The following ENKUR variants were observed in gnomAD, a reference collection of about 807,000 sequenced individuals.
The protein encoded by ENKUR is enkurin.
ENKUR carries 19 observed loss-of-function variants against 27.6 expected under a neutral mutation model. The ratio of observed to expected loss-of-function variants is 0.69; its 90% confidence interval spans 0.48 to 1.01. ENKUR has a LOEUF of 1.01. Among genes scored for constraint, ENKUR ranks in the 50% least tolerant of loss-of-function variants. The probability of loss-of-function intolerance (pLI) is 0.00; values close to 1 mark genes in which losing one functional copy is unlikely to be tolerated. For missense variants in ENKUR, 312 were observed against 310.5 expected (o/e 1.00, Z -0.04); for synonymous variants, 117 against 96.9 (o/e 1.21, Z -1.22).
At chr10:25,061,165 T>G (rs989494452) in exon 2 of ENKUR, 1 of 1,536,004 alleles carries the variant, frequency 6.5e-7, no homozygotes, top group Non-Finnish European at 8.7e-7. Context: ...TGGTGAACAA[T>G]CTCCATAAGA....
intron 2 of ENKUR, chr10:25,023,391 A>C (rs1384087224): frequency 1.1e-5 from 17 of 1,614,184 alleles, no homozygotes; most frequent in Non-Finnish European, 1.4e-5. Flanking sequence ...TTGGAGACAA[A>C]AATATTATCC....
intron 2 of ENKUR, among the ~76,000 whole-genome samples, chr10:25,042,018 T>G (rs1851069894): frequency 6.6e-6 from 1 of 152,086 alleles, no homozygotes; most frequent in Non-Finnish European, 1.5e-5. Flanking sequence ...ATGTCTGTAG[T>G]TTAGATAGGA....
At chr10:24,989,558 C>T (rs1230358345) in intron 4 of ENKUR, among the ~76,000 whole-genome samples, 1 of 152,168 alleles carries the variant, frequency 6.6e-6, no homozygotes, top group Non-Finnish European at 1.5e-5. Context: ...GTACCTCTCA[C>T]TAATTAAATT....
intron 1 of ENKUR, among the ~76,000 whole-genome samples, chr10:25,061,916 C>T (rs1851333069): frequency 6.6e-6 from 1 of 152,190 alleles, no homozygotes; most frequent in Non-Finnish European, 1.5e-5. Flanking sequence ...GTTACTGGCA[C>T]ATGGAAGGCA....
chr10:24,995,878 T>G lies in ENKUR; in HGVS notation c.224-9A>C. 6.3e-7 allele frequency: 1 copy of G among 1,593,210 alleles called. No homozygotes were observed. The highest frequency in any genetic ancestry group is 8.5e-7 in the Non-Finnish European group (1 of 1,172,344). ...CCGATCAAAGTTTTTTTCTGTTAAATATAACATTTCTTTGTTAATATTAAA... is the reference window on the plus strand; with the variant it reads ...CCGATCAAAGTTTTTTTCTGTTAAAGATAACATTTCTTTGTTAATATTAAA... On this transcript the variant is annotated splice_polypyrimidine_tract_variant and intron_variant, in intron 2 of 5. Transcript: ENST00000331161.
intron 1 of ENKUR, among the ~76,000 whole-genome samples, chr10:25,007,096 A>G (rs1850327953): frequency 6.6e-6 from 1 of 152,234 alleles, no homozygotes; most frequent in South Asian, 2.1e-4. Context: ...CCTGGCAGAC[A>G]CAGTCTTATT....
chr10:24,988,410 ATATT>A (rs1436289525), intron 4 of ENKUR, among the ~76,000 whole-genome samples: 1 of 145,746 alleles, frequency 6.9e-6, no homozygotes, highest in African/African-American at 2.5e-5. Context: ...ATGTGTATAT[ATATT>A]TATATATAAG....
At chr10:25,008,022 A>G (rs1850355631) in intron 1 of ENKUR, among the ~76,000 whole-genome samples, 1 of 148,972 alleles carries the variant, frequency 6.7e-6, no homozygotes, top group South Asian at 2.1e-4. Flanking sequence ...TAAATATATG[A>G]GATATATAAG....
At chr10:25,000,604 CTCTG>C (rs1328609779) in intron 1 of ENKUR, among the ~76,000 whole-genome samples, 1 of 152,090 alleles carries the variant, frequency 6.6e-6, no homozygotes, top group Non-Finnish European at 1.5e-5. Flanking sequence ...CTAGAATCTA[CTCTG>C]TCTGACATTA....
intron 1 of ENKUR, among the ~76,000 whole-genome samples, chr10:25,011,460 C>T (rs1850442234): frequency 6.6e-6 from 1 of 152,004 alleles, no homozygotes; most frequent in African/African-American, 2.4e-5. Flanking sequence ...AGATACAAAC[C>T]TGAGAAAAAC....
At chr10:25,010,581 C>T (rs1272317297) in intron 1 of ENKUR, among the ~76,000 whole-genome samples, 3 of 151,610 alleles carry the variant, frequency 2.0e-5, no homozygotes, top group Non-Finnish European at 1.5e-5. Flanking sequence ...TCTCCTAATG[C>T]TATCCCTCCC....
chr10:25,061,329 G>A, exon 2 of ENKUR: 1 of 616,014 alleles, frequency 1.6e-6, no homozygotes. Context: ...CGCCTGCTCT[G>A]TTGGGTGCAG....
intron 2 of ENKUR, 93 bp from the exon 3 acceptor site, chr10:24,995,962 T>C: frequency 9.9e-7 from 1 of 1,014,488 alleles, no homozygotes; most frequent in Non-Finnish European, 1.4e-6. Flanking sequence ...CACTTGTATA[T>C]TGAAGTTGCA....
rs1188210840 is a variant in ENKUR, at chr10:25,052,961, G to T, written c.37+8151C>A. Among the ~76,000 whole-genome samples the T allele has an allele frequency of 4.6e-5, 7 of 151,712 alleles. No homozygotes were observed. In the South Asian group the frequency reaches 1.0e-3, roughly 23 times the overall value. ...ATTTTGTATTTTTACTAGAGACAGG[G>T]TTTCACCATGTTGGTTGGGCTGGTC... On this transcript the variant is annotated intron_variant, in intron 2 of 5. Transcript: ENST00000615958.
chr10:25,029,167 TTAACA>T (rs1360813805), intron 2 of ENKUR, among the ~76,000 whole-genome samples: 1 of 152,314 alleles, frequency 6.6e-6, no homozygotes, highest in African/African-American at 2.4e-5. Flanking sequence ...TGTAAACTTC[TTAACA>T]TTTGTGACTC....
upstream of ENKUR, among the ~76,000 whole-genome samples, chr10:25,020,756 AT>A (rs1850704015): frequency 1.3e-5 from 2 of 149,468 alleles, no homozygotes; most frequent in Non-Finnish European, 1.5e-5. Flanking sequence ...AAAAAAAAAA[AT>A]TACTGCTCAT....
intron 4 of ENKUR, among the ~76,000 whole-genome samples, chr10:24,989,053 C>T (rs1849867842): frequency 6.6e-6 from 1 of 151,968 alleles, no homozygotes; most frequent in Non-Finnish European, 1.5e-5. Flanking sequence ...TCTCCTACAG[C>T]CAAAAAGACA....
upstream of ENKUR, chr10:25,016,179 T>C: frequency 8.4e-7 from 1 of 1,183,476 alleles, no homozygotes; most frequent in Non-Finnish European, 1.0e-6. Flanking sequence ...TGGAAACCGT[T>C]ACTAGGCAAC....
upstream of ENKUR, among the ~76,000 whole-genome samples, chr10:25,021,111 T>TA (rs969849335): frequency 2.0e-5 from 3 of 151,980 alleles, no homozygotes; most frequent in African/African-American, 7.2e-5. Flanking sequence ...AACCAAACCA[T>TA]AAAAAAAATG....
Sources: gnomAD v4.1 joint callset for allele counts (sites outside exome capture counted in the v4.1 genomes callset) on GRCh38, gnomAD v4.1.1 for gene constraint, MANE v1.5 for transcripts, NCBI Gene and HGNC (gene_info 2026-07-23, HGNC 2026-07-21) for gene names.